The following CSMD1 variants were observed in gnomAD, a reference collection of about 807,000 sequenced individuals.
The protein encoded by CSMD1 is CUB and Sushi multiple domains 1, also known as CUB and sushi domain-containing protein 1.
A neutral mutation model predicts 417.5 loss-of-function variants in CSMD1; 213 were observed. The observed-to-expected ratio is 0.51, with a 90% CI of 0.46 to 0.57. CSMD1 has a LOEUF of 0.57. Ranked by LOEUF, CSMD1 falls within the 20% of genes least tolerant of loss-of-function variation. The probability of loss-of-function intolerance (pLI) is 0.00; values close to 1 mark genes in which losing one functional copy is unlikely to be tolerated. For missense variants in CSMD1, 6,923 were observed against 4,529.7 expected (o/e 1.53, Z -15.17); for synonymous variants, 2,862 against 1,736.8 (o/e 1.65, Z -16.11).
At chr8:3,176,853 T>C (rs1215993238) in intron 37 of CSMD1, among the ~76,000 whole-genome samples, 1 of 151,624 alleles carries the variant, frequency 6.6e-6, no homozygotes, top group African/African-American at 2.4e-5. Flanking sequence ...ATCATGGCTG[T>C]CTGTAGCCTC....
chr8:4,815,334 T>C (rs1799142594), intron 1 of CSMD1, among the ~76,000 whole-genome samples: 1 of 152,148 alleles, frequency 6.6e-6, no homozygotes, highest in Non-Finnish European at 1.5e-5. Flanking sequence ...AGGTATGACA[T>C]CACAGTCCCA....
At chr8:3,190,837 C>G (rs180850218) in intron 33 of CSMD1, among the ~76,000 whole-genome samples, 337 of 152,252 alleles carry the variant, frequency 2.2e-3, no homozygotes, top group African/African-American at 7.0e-3. Context: ...GGACATCGTG[C>G]TAAGTGAAAT....
intron 3 of CSMD1, among the ~76,000 whole-genome samples, chr8:4,280,274 G>C (rs117331449): frequency 0.018 from 2,720 of 152,220 alleles, 46 homozygotes; most frequent in Non-Finnish European, 0.028. Flanking sequence ...TTTGATATTA[G>C]CACGTTTTTA....
intron 48 of CSMD1, among the ~76,000 whole-genome samples, chr8:3,090,071 T>G (rs563168839): frequency 1.6e-3 from 244 of 151,444 alleles, no homozygotes; most frequent in African/African-American, 5.5e-3. Context: ...TCCCAGCACT[T>G]TGGGAGGCCG....
At chr8:4,695,156 A>G (rs1807032410) in intron 1 of CSMD1, among the ~76,000 whole-genome samples, 1 of 151,922 alleles carries the variant, frequency 6.6e-6, no homozygotes, top group African/African-American at 2.4e-5. Context: ...ATTTTTGTAC[A>G]TGGAATACAC....
chr8:4,468,148 G>C (rs936138821), intron 2 of CSMD1, among the ~76,000 whole-genome samples: 22 of 152,134 alleles, frequency 1.4e-4, no homozygotes, highest in African/African-American at 4.3e-4. Context: ...AAAGCCTACA[G>C]CTCTCTATTT....
intron 1 of CSMD1, among the ~76,000 whole-genome samples, chr8:4,713,968 A>G (rs926298665): frequency 1.4e-4 from 21 of 152,036 alleles, no homozygotes; most frequent in Admixed American, 2.0e-4. Context: ...AACATGGTAA[A>G]ACCCCGTCTC....
In CSMD1 at chr8:4,257,616, G is replaced by C. The variant is rs1020905817; in HGVS notation, c.415+162337C>G. On this transcript the variant is annotated intron_variant, in intron 3 of 69. Coordinates refer to ENST00000635120, the MANE Select transcript of CSMD1 (RefSeq NM_033225.6). ...GCGGGATAGGAAAATTTGGTGAAAA[G>C]TTTGTCCTACTGTTTCAGGAAATAC... Among the ~76,000 whole-genome samples the C allele has an allele frequency of 2.0e-5, 3 of 152,144 alleles. No individual in the cohort carries two copies. The East Asian group carries it at 5.8e-4, about 29-fold the overall frequency.
intron 1 of CSMD1, among the ~76,000 whole-genome samples, chr8:4,896,014 A>G (rs1255933306): frequency 2.0e-5 from 3 of 152,006 alleles, no homozygotes; most frequent in Admixed American, 6.6e-5. Context: ...TTTCTGATTG[A>G]GATATTTGTA....
chr8:4,061,476 G>A (rs1798970341), intron 3 of CSMD1, among the ~76,000 whole-genome samples: 1 of 152,182 alleles, frequency 6.6e-6, no homozygotes, highest in African/African-American at 2.4e-5. Flanking sequence ...CAAAGAGGTG[G>A]CAAAAGGAGT....
chr8:3,322,817 C>G (rs1170799081), intron 23 of CSMD1, among the ~76,000 whole-genome samples: 1 of 152,220 alleles, frequency 6.6e-6, no homozygotes, highest in African/African-American at 2.4e-5. Flanking sequence ...AGTCTGCTTA[C>G]AAAATCATTT....
At chr8:3,188,773 A>C in intron 35 of CSMD1, 114 bp downstream of exon 35, 2 of 929,490 alleles carry the variant, frequency 2.2e-6, no homozygotes, top group Non-Finnish European at 2.9e-6. Context: ...AAAAGGAAAA[A>C]AGAGAGAGGG....
intron 5 of CSMD1, among the ~76,000 whole-genome samples, chr8:3,778,524 C>T (rs906318242): frequency 6.6e-6 from 1 of 152,250 alleles, no homozygotes; most frequent in Admixed American, 6.5e-5. Context: ...TACAAGAACG[C>T]TGCCCGTGTG....
chr8:3,007,282 T>C (rs1293822338), intron 52 of CSMD1, among the ~76,000 whole-genome samples: 1 of 151,728 alleles, frequency 6.6e-6, no homozygotes, highest in East Asian at 1.9e-4. Flanking sequence ...CAACAGGTGC[T>C]GGAGAGGATG....
intron 1 of CSMD1, among the ~76,000 whole-genome samples, chr8:4,697,604 T>A (rs993245328): frequency 6.6e-6 from 1 of 152,162 alleles, no homozygotes; most frequent in Non-Finnish European, 1.5e-5. Context: ...GTTCAGTCAA[T>A]AAGTTCAACA....
chr8:4,230,873 C>T (rs1248582004), intron 3 of CSMD1, among the ~76,000 whole-genome samples: 2 of 152,074 alleles, frequency 1.3e-5, no homozygotes, highest in Non-Finnish European at 2.9e-5. Flanking sequence ...TCTTTAACGG[C>T]ACTAACTTGA....
At chr8:3,662,932 C>T (rs754035109) in intron 7 of CSMD1, among the ~76,000 whole-genome samples, 3 of 152,066 alleles carry the variant, frequency 2.0e-5, no homozygotes, top group Non-Finnish European at 4.4e-5. Context: ...GTGCAGCAAA[C>T]CACCATGGCA....
At chr8:3,982,192 T>TGATAA (rs372298485) in intron 5 of CSMD1, among the ~76,000 whole-genome samples, 1 of 131,764 alleles carries the variant, frequency 7.6e-6, no homozygotes, top group Non-Finnish European at 1.7e-5. Flanking sequence ...AATAATAATA[T>TGATAA]TAATAAAAAA....
At position 4,327,160 on chromosome 8, in the gene CSMD1, T is replaced by C. The variant is rs117975030; in HGVS notation, c.415+92793A>G. Among the ~76,000 whole-genome samples the C allele has an allele frequency of 1.1e-3, 161 of 152,332 alleles. 1 individual carries two copies. Among genetic ancestry groups the C allele is most frequent in the Non-Finnish European group, 2.0e-3 (134 of 68,036 alleles). ...GACAAGGTCTACTAGACAACAAATG[T>C]TAGATACATTATTGTATATATAATG... On this transcript the variant is annotated intron_variant, in intron 3 of 69. Coordinates refer to ENST00000635120, the MANE Select transcript of CSMD1 (RefSeq NM_033225.6).
Sources: gnomAD v4.1 joint callset for allele counts (sites outside exome capture counted in the v4.1 genomes callset) on GRCh38, gnomAD v4.1.1 for gene constraint, MANE v1.5 for transcripts, NCBI Gene and HGNC (gene_info 2026-07-23, HGNC 2026-07-21) for gene names.